Variants in CYP11A1 observed in about 807,000 individuals in gnomAD.
CYP11A1 encodes cytochrome P450 family 11 subfamily A member 1.
A neutral mutation model predicts 51.9 loss-of-function variants in CYP11A1; 25 were observed. The observed-to-expected ratio is 0.48, with a 90% CI of 0.35 to 0.67. CYP11A1 has a LOEUF of 0.67. CYP11A1 is among the 30% of genes least tolerant of loss of function. CYP11A1 has a pLI of 0.00. For missense variants in CYP11A1, 578 were observed against 680.9 expected (o/e 0.85, Z 1.68); for synonymous variants, 245 against 262.1 (o/e 0.93, Z 0.63).
At chr15:74,344,940 T>C (rs2060625155) in intron 3 of CYP11A1, 104 bp downstream of exon 3, 1 of 1,097,140 alleles carries the variant, frequency 9.1e-7, no homozygotes, top group East Asian at 2.5e-5. Context: ...CAGAAGTCAG[T>C]CTCAATGCCT....
intron 1 of CYP11A1, among the ~76,000 whole-genome samples, chr15:74,360,679 G>A (rs1020090452): frequency 6.6e-6 from 1 of 151,498 alleles, no homozygotes; most frequent in African/African-American, 2.4e-5. Flanking sequence ...GAGGCAGGTG[G>A]ATCACCTAAG....
intron 8 of CYP11A1, 172 bp from the exon 9 acceptor site, chr15:74,338,275 C>A: frequency 1.3e-6 from 1 of 793,316 alleles, no homozygotes; most frequent in South Asian, 1.5e-5. Context: ...ACCCTTAGTG[C>A]TGCATTTCCT....
intron 7 of CYP11A1, 74 bp from the exon 8 acceptor site, chr15:74,338,842 G>A: frequency 7.3e-7 from 1 of 1,378,168 alleles, no homozygotes; most frequent in Non-Finnish European, 1.0e-6. Context: ...CCCTTCCCTA[G>A]TCCCCTGCCC....
At chr15:74,347,129 G>T (rs1265537088) in intron 2 of CYP11A1, among the ~76,000 whole-genome samples, 5 of 152,116 alleles carry the variant, frequency 3.3e-5, no homozygotes, top group Admixed American at 6.5e-5. Context: ...TTTTGATGGG[G>T]TGGGTATGGT....
chr15:74,357,888 C>T (rs1206033322), intron 1 of CYP11A1, among the ~76,000 whole-genome samples: 2 of 152,208 alleles, frequency 1.3e-5, no homozygotes, highest in African/African-American at 4.8e-5. Flanking sequence ...TATTTTCTTC[C>T]TCACACCTGA....
intron 1 of CYP11A1, among the ~76,000 whole-genome samples, chr15:74,354,876 G>T (rs2060671800): frequency 6.6e-6 from 1 of 152,160 alleles, no homozygotes; most frequent in Non-Finnish European, 1.5e-5. Flanking sequence ...ACAGACTCGG[G>T]AAGACAGTCT....
At chr15:74,365,830 A>C in intron 1 of CYP11A1, 1 of 985,612 alleles carries the variant, frequency 1.0e-6, no homozygotes, top group Admixed American at 6.1e-5. Flanking sequence ...CAGGCCGGGC[A>C]GAGAAACGCA....
intron 6 of CYP11A1, 74 bp from the exon 7 acceptor site, chr15:74,339,389 T>A: frequency 6.7e-7 from 1 of 1,492,980 alleles, no homozygotes; most frequent in South Asian, 1.1e-5. Flanking sequence ...ACACCCTGTG[T>A]GGCATCTCAG....
At position 74,339,640 on chromosome 15, in the gene CYP11A1, G is replaced by A. The variant is rs780649539; in HGVS notation, c.1104C>T (p.Ala368=). ...AARHQAQGDM[A]TMLQLVPLLK... ...GGAGGGGGACCAGCTGTAGCATCGTGGCCATGTCTCCCTGGGCCTGGTGCC... is the reference window on the plus strand; with the variant it reads ...GGAGGGGGACCAGCTGTAGCATCGTAGCCATGTCTCCCTGGGCCTGGTGCC... The change falls in exon 6 of 9, where the codon GCC becomes GCT. Residue 368 remains alanine (A), a synonymous_variant. Transcript: ENST00000268053. The A allele has an allele frequency of 1.2e-5, 20 of 1,614,156 alleles. No individual in the cohort carries two copies. The highest frequency in any genetic ancestry group is 1.7e-5 in the Non-Finnish European group (20 of 1,180,014).
chr15:74,350,136 A>G, intron 1 of CYP11A1: 1 of 401,642 alleles, frequency 2.5e-6, no homozygotes, highest in Non-Finnish European at 5.0e-6. Flanking sequence ...GTGAGACAAC[A>G]TAAGCAGCAT....
intron 1 of CYP11A1, chr15:74,364,363 A>G (rs1014947223): frequency 6.6e-6 from 1 of 152,224 alleles, no homozygotes; most frequent in South Asian, 2.1e-4. Flanking sequence ...TGAGGCAGGA[A>G]AATAGGGTCT....
chr15:74,338,616 C>T lies in CYP11A1; in HGVS notation c.1389G>A (p.Leu463=), dbSNP rs749515942. ...LGFGWGVRQC[L]GRRIAELEMT... ...TCTCTAGCTCAGCGATCCGCCGTCCCAGACACTGCCGCACACCCCAGCCAA... is the reference window on the plus strand; with the variant it reads ...TCTCTAGCTCAGCGATCCGCCGTCCTAGACACTGCCGCACACCCCAGCCAA... Residue 463 remains leucine (L), a synonymous_variant, in exon 8 of 9, where the codon CTG becomes CTA. Transcript: ENST00000268053. 2.5e-6 allele frequency: 4 copies of T among 1,614,154 alleles called. No individual in the cohort carries two copies. In the South Asian group the frequency reaches 3.3e-5, roughly 13 times the overall value.
Position 74,345,215 on chromosome 15 carries a change from C to A in CYP11A1, c.454G>T (p.Val152Leu). The change falls in exon 3 of 9, where the codon GTG becomes TTG. Residue 152 changes from valine to leucine, a missense_variant. Coordinates refer to ENST00000268053, the MANE Select transcript of CYP11A1 (RefSeq NM_000781.3). This position sits in a 1 kb window ranked among gnomAD's most constrained non-coding sequence, Gnocchi z 4.3. ...KKSAAWKKDR[V>L]ALNQEVMAPE... ...GCCATCACCTCCTGGTTCAGGGCCA[C>A]CCGGTCTTTCTTCCAGGCTGCCGAC... 1 of 1,614,188 alleles carries A rather than the reference C, an allele frequency of 6.2e-7. No individual in the cohort carries two copies. Among genetic ancestry groups the A allele is most frequent in the East Asian group, 2.2e-5 (1 of 44,874 alleles).
At chr15:74,358,798 T>A (rs1357310184) in intron 1 of CYP11A1, among the ~76,000 whole-genome samples, 1 of 152,152 alleles carries the variant, frequency 6.6e-6, no homozygotes, top group African/African-American at 2.4e-5. Context: ...CCAGCCTTTA[T>A]TAGTCAAATC....
At position 74,339,591 on chromosome 15, in the gene CYP11A1, G is replaced by C. The variant is rs757960246; in HGVS notation, c.1153C>G (p.Leu385Val). The C allele has an allele frequency of 6.2e-7, 1 of 1,613,980 alleles. No individual in the cohort carries two copies. Among genetic ancestry groups the C allele is most frequent in the South Asian group, 1.1e-5 (1 of 91,078 alleles). ...PLLKASIKET[L>V]RLHPISVTLQ... is the part of the protein sequence containing the mutation. ...CATGGGTGGTTGTGGGCTTGCCTTAGTGTCTCCTTGATGCTGGCTTTGAGG... is the reference window on the plus strand; with the variant it reads ...CATGGGTGGTTGTGGGCTTGCCTTACTGTCTCCTTGATGCTGGCTTTGAGG... Residue 385 changes from leucine (L) to valine (V), a missense_variant, in exon 6 of 9, where the codon CTA becomes GTA. By Grantham distance (32) the Leu-to-Val change is conservative. Transcript: ENST00000268053.
At position 74,367,403 on chromosome 15, in the gene CYP11A1, G is replaced by T. The variant is rs1402720332; in HGVS notation, c.183C>A (p.Asn61Lys). 6.2e-7 allele frequency: 1 copy of T among 1,614,212 alleles called. No individual in the cohort carries two copies. Among genetic ancestry groups the T allele is most frequent in the East Asian group, 2.2e-5 (1 of 44,888 alleles). The change falls in exon 1 of 9, where the codon AAC becomes AAA. Residue 61 changes from asparagine (N) to lysine (K), a missense_variant. Physicochemically the swap from Asn to Lys is moderately conservative, Grantham distance 94 (BLOSUM62 0). Coordinates refer to ENST00000268053, the MANE Select transcript of CYP11A1 (RefSeq NM_000781.3). ...IPSPGDNGWL[N>K]LYHFWRETGT... ...CCGTCTCCCTCCAGAAATGGTACAGGTTTAGCCAGCCATTGTCACCAGGAG... is the reference window on the plus strand; with the variant it reads ...CCGTCTCCCTCCAGAAATGGTACAGTTTTAGCCAGCCATTGTCACCAGGAG...
intron 1 of CYP11A1, chr15:74,356,431 T>C (rs1200430782): frequency 6.6e-6 from 1 of 152,192 alleles, no homozygotes; most frequent in African/African-American, 2.4e-5. Context: ...CCTCAGAAGC[T>C]TCCTGGATCA....
At chr15:74,365,860 T>TCGC in intron 1 of CYP11A1, 1 of 985,574 alleles carries the variant, frequency 1.0e-6, no homozygotes, top group East Asian at 1.1e-4. Flanking sequence ...GCTCCCTGCT[T>TCGC]CGCCGCCGCC....
intron 2 of CYP11A1, among the ~76,000 whole-genome samples, chr15:74,346,624 A>T (rs12916123): frequency 3.3e-5 from 5 of 151,610 alleles, no homozygotes; most frequent in Non-Finnish European, 7.4e-5. Context: ...TGGAGTATAT[A>T]CCTGAAATCA....
Sources: allele counts gnomAD v4.1 joint callset (sites outside exome capture counted in the v4.1 genomes callset), GRCh38; gene constraint gnomAD v4.1.1; non-coding constraint Gnocchi (gnomAD v3.1); transcripts MANE v1.5; gene names NCBI Gene and HGNC (gene_info 2026-07-23, HGNC 2026-07-21).